HSPA12A: variants seen among roughly 807,000 people sequenced by gnomAD.
The protein encoded by HSPA12A is heat shock protein family A (Hsp70) member 12A, also known as heat shock 70 kDa protein 12A.
In HSPA12A, 28 loss-of-function variants were observed where a neutral mutation model predicts 69.2. The observed-to-expected ratio is 0.40, with a 90% confidence interval of 0.30 to 0.55. HSPA12A has a LOEUF of 0.55. Among genes scored for constraint, HSPA12A ranks in the 20% least tolerant of loss-of-function variants. HSPA12A has a pLI of 0.38. For missense variants in HSPA12A, 686 were observed against 900.7 expected, an observed-to-expected ratio of 0.76 and a Z score of 3.05; for synonymous variants, 345 against 370.5, an observed-to-expected ratio of 0.93 and a Z score of 0.79.
chr10:116,711,995 C>T (rs756592089), intron 1 of HSPA12A, among the ~76,000 whole-genome samples: 2 of 152,048 alleles, frequency 1.3e-5, no homozygotes, highest in African/African-American at 4.8e-5. Context: ...CCAACACTGA[C>T]CCTTTCAAGA....
In HSPA12A at chr10:116,694,132, C is replaced by T. The variant is rs536570335; in HGVS notation, c.547-1665G>A. ...GGAGAGTTTAGAGGAGCTGTCAGTT[C>T]CCCAGCGGGTAGGGAACAGCTTGGA... On this transcript the variant is annotated intron_variant, in intron 5 of 11. Transcript: ENST00000369209. 9.2e-5 allele frequency among the ~76,000 whole-genome samples: 14 copies of T among 152,284 alleles called. No homozygotes were observed. The South Asian group carries it at 2.9e-3, about 32-fold the overall frequency.
In HSPA12A at chr10:116,797,079, G is replaced by A. The variant is rs145845845; in HGVS notation, c.91+37856C>T. Among the ~76,000 whole-genome samples the A allele has an allele frequency of 4.9e-3, 746 of 152,268 alleles. 10 individuals are homozygous for A. Among genetic ancestry groups the A allele is most frequent in the Non-Finnish European group, 7.3e-3 (499 of 68,008 alleles). ...GGATGTGATGCATTTCCCATCCGCA[G>A]GAGCTGGCTGAGAGCACGCACTTGC... is the stretch of plus-strand genomic sequence containing the variant. On this transcript the variant is annotated intron_variant, in intron 2 of 12. Transcript: ENST00000635765.
intron 1 of HSPA12A, among the ~76,000 whole-genome samples, chr10:116,736,034 T>C (rs550704668): frequency 2.0e-5 from 3 of 152,310 alleles, no homozygotes; most frequent in Admixed American, 6.5e-5. Flanking sequence ...TTTTAACCCA[T>C]TAAACTTTGG....
intron 2 of HSPA12A, among the ~76,000 whole-genome samples, chr10:116,806,683 C>G (rs1845075116): frequency 6.6e-6 from 1 of 152,184 alleles, no homozygotes; most frequent in South Asian, 2.1e-4. Context: ...CAAAGGTGCC[C>G]TGGCTCACAG....
chr10:116,704,138 C>T (rs1269166478), intron 3 of HSPA12A, among the ~76,000 whole-genome samples: 2 of 152,204 alleles, frequency 1.3e-5, no homozygotes, highest in African/African-American at 4.8e-5. Flanking sequence ...ATAAATCATG[C>T]TGCTGTAAAG....
At chr10:116,767,629 G>T (rs1410847659) in intron 2 of HSPA12A, among the ~76,000 whole-genome samples, 1 of 152,224 alleles carries the variant, frequency 6.6e-6, no homozygotes, top group Non-Finnish European at 1.5e-5. Flanking sequence ...GGGAGGGGAG[G>T]TTGTTGGTTA....
At chr10:116,814,126 T>C (rs936669147) in intron 2 of HSPA12A, among the ~76,000 whole-genome samples, 1 of 152,178 alleles carries the variant, frequency 6.6e-6, no homozygotes, top group African/African-American at 2.4e-5. Flanking sequence ...TTAGAATCTA[T>C]TTTTTAAAAA....
intron 2 of HSPA12A, among the ~76,000 whole-genome samples, chr10:116,808,997 C>G (rs1458626495): frequency 6.6e-6 from 1 of 152,192 alleles, no homozygotes; most frequent in African/African-American, 2.4e-5. Flanking sequence ...ACAGACTTCT[C>G]TTCCTCCGCT....
At chr10:116,849,598 G>A in exon 1 of HSPA12A, 1 of 1,548,280 alleles carries the variant, frequency 6.5e-7, no homozygotes, top group Non-Finnish European at 8.7e-7. Flanking sequence ...CGCAGCTGTG[G>A]GACCACTAGG....
intron 5 of HSPA12A, among the ~76,000 whole-genome samples, chr10:116,696,081 G>A (rs1849894419): frequency 6.6e-6 from 1 of 151,048 alleles, no homozygotes; most frequent in African/African-American, 2.4e-5. Flanking sequence ...TTGGCAAGAG[G>A]ATGCTGCATT....
chr10:116,736,690 A>T (rs1255750584), intron 1 of HSPA12A, among the ~76,000 whole-genome samples: 1 of 152,108 alleles, frequency 6.6e-6, no homozygotes, highest in Non-Finnish European at 1.5e-5. Flanking sequence ...CGATCCAAGG[A>T]ATGCAGGTCA....
chr10:116,708,725 A>G (rs1326650795), intron 1 of HSPA12A, among the ~76,000 whole-genome samples: 1 of 152,222 alleles, frequency 6.6e-6, no homozygotes, highest in African/African-American at 2.4e-5. Flanking sequence ...CGCTGGGTAA[A>G]GGACTTGAAT....
intron 2 of HSPA12A, among the ~76,000 whole-genome samples, chr10:116,800,316 G>A (rs944224796): frequency 6.6e-6 from 1 of 152,004 alleles, no homozygotes; most frequent in African/African-American, 2.4e-5. Context: ...CCTCACCCCT[G>A]GCTGGCTCCA....
At chr10:116,694,976 A>C (rs1589635440) in intron 5 of HSPA12A, among the ~76,000 whole-genome samples, 2 of 149,540 alleles carry the variant, frequency 1.3e-5, no homozygotes, top group African/African-American at 2.5e-5. Context: ...CCCCCACCCC[A>C]CAGTGACCTT....
chr10:116,716,382 T>A (rs1850604638), intron 1 of HSPA12A, among the ~76,000 whole-genome samples: 1 of 150,524 alleles, frequency 6.6e-6, no homozygotes, highest in African/African-American at 2.5e-5. Context: ...GAAATGCTGA[T>A]GTTAGATGCC....
At chr10:116,709,702 G>A (rs570964573) in intron 1 of HSPA12A, among the ~76,000 whole-genome samples, 8 of 152,272 alleles carry the variant, frequency 5.3e-5, no homozygotes, top group Non-Finnish European at 8.8e-5. Flanking sequence ...GAGGAAGGGA[G>A]AAATGGAGAG....
intron 2 of HSPA12A, among the ~76,000 whole-genome samples, chr10:116,788,584 A>G (rs1317008344): frequency 6.6e-6 from 1 of 152,212 alleles, no homozygotes; most frequent in African/African-American, 2.4e-5. Context: ...GTATCCTTCC[A>G]GACTCTATCA....
In HSPA12A at chr10:116,707,250, G is replaced by A. The variant is rs782065581; in HGVS notation, c.76C>T (p.Arg26Trp). 188 of 1,612,994 alleles carry A rather than the reference G, an allele frequency of 1.2e-4. No individual in the cohort carries two copies. The Admixed American group carries it at 2.2e-3, about 19-fold the overall frequency. Reference sequence around the variant, plus strand: ...GTTATTCCTGTGTCCCCAAGACTCCGGGCTGGAGATGAATATGCAGATGTG... The same window carrying A: ...GTTATTCCTGTGTCCCCAAGACTCCAGGCTGGAGATGAATATGCAGATGTG... ...APTSAYSSPA[R>W]SLGDTGITPL... The change falls in exon 2 of 12, where the codon CGG becomes TGG. Residue 26 changes from arginine (R) to tryptophan (W), a missense_variant. Physicochemically the swap from Arg to Trp is moderately radical, Grantham distance 101. Coordinates refer to ENST00000369209, the MANE Select transcript of HSPA12A (RefSeq NM_025015.3).
chr10:116,739,659 G>A (rs893627892), intron 1 of HSPA12A, among the ~76,000 whole-genome samples: 11 of 152,116 alleles, frequency 7.2e-5, no homozygotes, highest in Admixed American at 1.3e-4. Flanking sequence ...CAGGTCATGC[G>A]GGAGGGGGCA....
Sources: allele counts gnomAD v4.1 joint callset (sites outside exome capture counted in the v4.1 genomes callset), GRCh38; gene constraint gnomAD v4.1.1; transcripts MANE v1.5; gene names NCBI Gene and HGNC (gene_info 2026-07-23, HGNC 2026-07-21).